The following ITGA1 variants were observed in gnomAD, a reference collection of about 807,000 sequenced individuals.
The protein encoded by ITGA1 is integrin alpha-1.
ITGA1 carries 85 observed loss-of-function variants against 145.9 expected under a neutral mutation model. The observed-to-expected ratio is 0.58, with a 90% CI of 0.49 to 0.70. The LOEUF (loss-of-function observed/expected upper bound fraction) is 0.70. Among genes scored for constraint, ITGA1 ranks in the 30% least tolerant of loss-of-function variants. ITGA1 has a pLI of 0.00. For missense variants in ITGA1, 1,351 were observed against 1,418.7 expected (o/e 0.95, Z 0.77); for synonymous variants, 520 against 495.3 (o/e 1.05, Z -0.66).
intron 1 of ITGA1, among the ~76,000 whole-genome samples, chr5:52,820,370 T>A: frequency 7.2e-4 from 2 of 2,770 alleles, no homozygotes; most frequent in Non-Finnish European, 1.9e-3. Context: ...TCAGGGCCTG[T>A]TGTGGGTGGG....
At position 52,809,552 on chromosome 5, in the gene ITGA1, C is replaced by G. The variant is rs138809905; in HGVS notation, c.61+21138C>G. Among the ~76,000 whole-genome samples, 18 of 146,748 alleles carry G rather than the reference C, an allele frequency of 1.2e-4. No homozygotes were observed. In the East Asian group the frequency reaches 3.6e-3, roughly 29 times the overall value. On this transcript the variant is annotated intron_variant, in intron 1 of 28. Coordinates refer to ENST00000282588, the MANE Select transcript of ITGA1 (RefSeq NM_181501.2). ...CAAGAGTCTTGCTCTATACCCCAGG[C>G]TGGAGTGCAGTGGCCTGATCTTGGC...
chr5:52,894,434 A>T (rs1432018769), intron 9 of ITGA1, among the ~76,000 whole-genome samples: 1 of 152,088 alleles, frequency 6.6e-6, no homozygotes, highest in Admixed American at 6.6e-5. Flanking sequence ...GCTGTTGAGG[A>T]TAACGAGTTA....
intron 1 of ITGA1, among the ~76,000 whole-genome samples, chr5:52,792,045 A>G (rs1748252629): frequency 6.6e-6 from 1 of 152,234 alleles, no homozygotes; most frequent in Admixed American, 6.5e-5. Context: ...AATTAATGAT[A>G]CAAGTCAATC....
intron 14 of ITGA1, among the ~76,000 whole-genome samples, chr5:52,911,051 C>G (rs10040727): frequency 0.13 from 896 of 7,166 alleles, 20 homozygotes; most frequent in South Asian, 0.32. Flanking sequence ...ACTATATATA[C>G]TATACATAGT....
At chr5:52,913,401 G>A (rs1018245967) in intron 14 of ITGA1, among the ~76,000 whole-genome samples, 4 of 151,996 alleles carry the variant, frequency 2.6e-5, no homozygotes, top group African/African-American at 4.8e-5. Context: ...TAATTTTCTC[G>A]CAAGTAATCC....
At chr5:52,788,847 A>C (rs2111634092) in intron 1 of ITGA1, among the ~76,000 whole-genome samples, 1 of 150,612 alleles carries the variant, frequency 6.6e-6, no homozygotes, top group South Asian at 2.1e-4. Context: ...AGTGGACATT[A>C]TTGAATTTTC....
chr5:52,816,461 G>T (rs1291344915), intron 1 of ITGA1, among the ~76,000 whole-genome samples: 1 of 152,122 alleles, frequency 6.6e-6, no homozygotes, highest in Non-Finnish European at 1.5e-5. Context: ...GCCATGGCAT[G>T]AAGTCTTCCT....
intron 12 of ITGA1, among the ~76,000 whole-genome samples, chr5:52,907,193 C>A (rs540099423): frequency 8.6e-4 from 131 of 152,278 alleles, no homozygotes; most frequent in African/African-American, 3.1e-3. Context: ...AAGGTCAGCT[C>A]CTCAAGTATC....
chr5:52,849,659 T>C (rs1478470190), intron 2 of ITGA1, among the ~76,000 whole-genome samples, 174 bp downstream of exon 2: 1 of 148,472 alleles, frequency 6.7e-6, no homozygotes, highest in Non-Finnish European at 1.5e-5. Context: ...AAAAAAAAAA[T>C]TCCTTGGCAA....
Position 52,954,610 on chromosome 5 carries a change from T to G in ITGA1, c.*2159T>G, listed in dbSNP as rs1751275762. On this transcript the variant is annotated 3_prime_UTR_variant, in exon 29 of 29. Transcript: ENST00000282588. ...GTCCTGTTTCTCTAATATTATAATT[T>G]GTTGAGGTTTGTGTGTGTGTGTGTG... 1 of 125,162 alleles carries G rather than the reference T, an allele frequency of 8.0e-6. No homozygotes were observed. The highest frequency in any genetic ancestry group is 2.8e-5 in the African/African-American group (1 of 36,036). The allele number at this position is 125,162 out of a possible 1,614,324, so 7.8% of individuals were successfully genotyped here.
Position 52,920,270 on chromosome 5 carries a change from G to A in ITGA1, c.2156-62G>A. 4 of 1,302,552 alleles carry A rather than the reference G, an allele frequency of 3.1e-6. No individual in the cohort carries two copies. The South Asian group carries it at 5.8e-5, about 19-fold the overall frequency. 80.7% of individuals were successfully genotyped at this position (1,302,552 alleles called of 1,614,324 possible). ...TTCTATAATGCTAATTTAATAATCT[G>A]TACAATATGAGAATCACTTCAAATA... On this transcript the variant is annotated intron_variant, in intron 16 of 28. Transcript: ENST00000282588.
chr5:52,881,575 T>C (rs73106335), intron 6 of ITGA1, among the ~76,000 whole-genome samples: 8,751 of 152,306 alleles, frequency 0.057, 727 homozygotes, highest in African/African-American at 0.19. Flanking sequence ...GCAGAGACCA[T>C]ATCAGTGTGT....
intron 1 of ITGA1, among the ~76,000 whole-genome samples, chr5:52,820,300 A>G (rs1748855283): frequency 7.0e-6 from 1 of 143,072 alleles, no homozygotes; most frequent in South Asian, 2.2e-4. Context: ...ACATGTTCTC[A>G]CTCATAGGTG....
intron 1 of ITGA1, among the ~76,000 whole-genome samples, chr5:52,848,947 T>C (rs1749382645): frequency 1.3e-5 from 2 of 152,312 alleles, no homozygotes; most frequent in South Asian, 2.1e-4. Flanking sequence ...ATGGTGTATA[T>C]GTACTACATT....
In ITGA1 at chr5:52,925,347, A is replaced by C. The variant is rs143431646; in HGVS notation, c.2473A>C (p.Thr825Pro). 1.9e-6 allele frequency: 3 copies of C among 1,614,002 alleles called. No homozygotes were observed. Among genetic ancestry groups the C allele is most frequent in the Non-Finnish European group, 2.5e-6 (3 of 1,179,982 alleles). Residue 825 changes from threonine to proline, a missense_variant, in exon 19 of 29, where the codon ACT becomes CCT. By Grantham distance (38) the Thr-to-Pro change is conservative (BLOSUM62 -1). Coordinates refer to ENST00000282588, the MANE Select transcript of ITGA1 (RefSeq NM_181501.2). ...AGACCTCAGCCTGCATGTCGCCACC[A>C]CTGAAAAGGACCTGCTGATTGTCCG... is the stretch of plus-strand genomic sequence containing the variant. ...ISDLSLHVAT[T>P]EKDLLIVRSQ...
rs1750792358 is a variant in ITGA1 at position 52,925,501 on chromosome 5, T to TTTTCATTTATTTGTTCTC, written c.2613+17_2613+34dup. On this transcript the variant is annotated intron_variant, in intron 19 of 28. Transcript: ENST00000282588. ...TCAGGAATTGAGGTAAACTTCCAGT[T>TTTTCATTTATTTGTTCTC]TTTCATTTATTTGTTCTCTTAACAT... 6.4e-7 allele frequency: 1 copy of TTTTCATTTATTTGTTCTC among 1,567,342 alleles called. No individual in the cohort carries two copies. Among genetic ancestry groups the TTTTCATTTATTTGTTCTC allele is most frequent in the Non-Finnish European group, 8.8e-7 (1 of 1,140,104 alleles).
intron 1 of ITGA1, among the ~76,000 whole-genome samples, chr5:52,789,904 T>A (rs1221958812): frequency 6.6e-6 from 1 of 152,224 alleles, no homozygotes; most frequent in Admixed American, 6.5e-5. Context: ...GTTTAACAAG[T>A]TACAATTTCA....
chr5:52,801,969 G>A, intron 1 of ITGA1: 1 of 638,092 alleles, frequency 1.6e-6, no homozygotes, highest in Non-Finnish European at 2.6e-6. Context: ...TTATGTCTTT[G>A]GCTACACTAG....
intron 1 of ITGA1, among the ~76,000 whole-genome samples, chr5:52,845,544 T>A (rs894105493): frequency 6.6e-6 from 1 of 152,206 alleles, no homozygotes; most frequent in Non-Finnish European, 1.5e-5. Context: ...TCGGTCATCT[T>A]CTTCAACAAA....
Sources: gnomAD v4.1 joint callset for allele counts (sites outside exome capture counted in the v4.1 genomes callset) on GRCh38, gnomAD v4.1.1 for gene constraint, MANE v1.5 for transcripts, NCBI Gene and HGNC (gene_info 2026-07-23, HGNC 2026-07-21) for gene names.